SBF2: variants seen among roughly 807,000 people sequenced by gnomAD.
The protein encoded by SBF2 is SET binding factor 2, also known as myotubularin-related protein 13.
SBF2 carries 112 observed loss-of-function variants against 225.2 expected under a neutral mutation model. The ratio of observed to expected loss-of-function variants is 0.50; its 90% CI spans 0.43 to 0.58. The LOEUF (loss-of-function observed/expected upper bound fraction) is 0.58, where lower values mean the gene tolerates loss of function less well. Ranked by LOEUF, SBF2 falls within the 20% of genes least tolerant of loss-of-function variation. The pLI, the probability that SBF2 is intolerant of heterozygous loss-of-function variation, is 0.00. For synonymous variants in SBF2, 763 were observed against 773.3 expected (o/e 0.99, Z 0.22); for missense variants, 1,996 against 2,206.2 (o/e 0.90, Z 1.91).
intron 1 of SBF2, among the ~76,000 whole-genome samples, chr11:10,254,472 C>T (rs947148216): frequency 2.6e-5 from 4 of 151,630 alleles, no homozygotes; most frequent in South Asian, 2.1e-4. Flanking sequence ...TATCTCAAAG[C>T]GATATATGTG....
chr11:10,162,680 C>T (rs769471504), intron 2 of SBF2, among the ~76,000 whole-genome samples: 1 of 152,178 alleles, frequency 6.6e-6, no homozygotes, highest in Admixed American at 6.5e-5. Flanking sequence ...ATTCTAGCAT[C>T]CTTATCTGGC....
chr11:10,123,313 T>A (rs534618646), intron 2 of SBF2, among the ~76,000 whole-genome samples: 2,221 of 152,256 alleles, frequency 0.015, 23 homozygotes, highest in Non-Finnish European at 0.023. Context: ...GAGTACAAAA[T>A]ATTCATTCCT....
At chr11:10,072,216 A>G (rs1441529299) in intron 2 of SBF2, among the ~76,000 whole-genome samples, 1 of 152,242 alleles carries the variant, frequency 6.6e-6, no homozygotes, top group African/African-American at 2.4e-5. Context: ...TATCTTTTAT[A>G]TCTTATATAG....
chr11:9,826,776 T>TAC (rs974056001), intron 28 of SBF2, among the ~76,000 whole-genome samples: 1 of 151,554 alleles, frequency 6.6e-6, no homozygotes, highest in Admixed American at 6.6e-5. Flanking sequence ...TGTATATATA[T>TAC]ACACACACAC....
At chr11:9,979,079 T>C (rs1392728249) in intron 13 of SBF2, among the ~76,000 whole-genome samples, 1 of 152,170 alleles carries the variant, frequency 6.6e-6, no homozygotes, top group Non-Finnish European at 1.5e-5. Context: ...AGCCTTATAG[T>C]GAAAGAACAT....
At chr11:9,981,381 C>T (rs535511579) in intron 13 of SBF2, among the ~76,000 whole-genome samples, 1 of 152,266 alleles carries the variant, frequency 6.6e-6, no homozygotes, top group South Asian at 2.1e-4. Flanking sequence ...TGGCATCAAT[C>T]GTACCCTAAA....
intron 1 of SBF2, among the ~76,000 whole-genome samples, chr11:10,224,891 C>A (rs1958478696): frequency 6.6e-6 from 1 of 152,118 alleles, no homozygotes; most frequent in South Asian, 2.1e-4. Context: ...AGGGACCACA[C>A]CTGCATGATT....
At chr11:9,935,750 C>T (rs1864849875) in intron 16 of SBF2, among the ~76,000 whole-genome samples, 1 of 152,080 alleles carries the variant, frequency 6.6e-6, no homozygotes, top group Non-Finnish European at 1.5e-5. Flanking sequence ...AACTGACTAG[C>T]CATATGTAGA....
chr11:9,872,860 C>T (rs570729451), intron 17 of SBF2, among the ~76,000 whole-genome samples: 1 of 152,130 alleles, frequency 6.6e-6, no homozygotes, highest in South Asian at 2.1e-4. Context: ...CAAAAGAAAC[C>T]TCTGAATTCA....
chr11:9,975,687 G>T (rs980113031), intron 13 of SBF2, among the ~76,000 whole-genome samples: 3 of 152,300 alleles, frequency 2.0e-5, no homozygotes, highest in East Asian at 3.9e-4. Flanking sequence ...TAGGACGGGA[G>T]GGGGGTTCAA....
intron 2 of SBF2, among the ~76,000 whole-genome samples, chr11:10,063,846 C>CAGAG (rs1324047076): frequency 1.5e-4 from 21 of 136,944 alleles, no homozygotes; most frequent in Middle Eastern, 3.8e-3. Flanking sequence ...CACACACACA[C>CAGAG]ACACACACAC....
chr11:10,014,583 TGA>T (rs1367994149), intron 6 of SBF2, among the ~76,000 whole-genome samples: 2 of 150,752 alleles, frequency 1.3e-5, no homozygotes, highest in Non-Finnish European at 2.9e-5. Flanking sequence ...TGTCCAAAGC[TGA>T]GTTTGTACAG....
chr11:9,829,459 T>C lies in SBF2; in HGVS notation c.3690A>G (p.Glu1230=), dbSNP rs1855256188. 6.2e-7 allele frequency: 1 copy of C among 1,613,350 alleles called. No individual in the cohort carries two copies. The highest frequency in any genetic ancestry group is 8.5e-7 in the Non-Finnish European group (1 of 1,179,258). Residue 1230 remains glutamate, a synonymous_variant, in exon 28 of 40, where the codon GAA becomes GAG. Coordinates refer to ENST00000256190, the MANE Select transcript of SBF2 (RefSeq NM_030962.4). Reference sequence around the variant, plus strand: ...GTAAGGCTTGCAAGTATTTCTCTTGTTCTATGCTACTGGAAGATTCTAAAG... The same window carrying C: ...GTAAGGCTTGCAAGTATTTCTCTTGCTCTATGCTACTGGAAGATTCTAAAG... ...TSSLESSSSI[E]QEKYLQALLN...
At chr11:10,020,135 G>C (rs746530680) in intron 6 of SBF2, among the ~76,000 whole-genome samples, 2 of 152,106 alleles carry the variant, frequency 1.3e-5, no homozygotes, top group Non-Finnish European at 2.9e-5. Flanking sequence ...TGGTGCCAGG[G>C]AAGGGCAGTT....
At chr11:10,126,551 C>T (rs903816326) in intron 2 of SBF2, among the ~76,000 whole-genome samples, 9 of 151,972 alleles carry the variant, frequency 5.9e-5, no homozygotes, top group Non-Finnish European at 1.2e-4. Flanking sequence ...ATATATAATA[C>T]ATGCAGGAAT....
At chr11:9,815,233 A>G (rs1019582142) in intron 29 of SBF2, among the ~76,000 whole-genome samples, 2 of 144,778 alleles carry the variant, frequency 1.4e-5, no homozygotes, top group Admixed American at 7.0e-5. Context: ...AGGTCAAGAG[A>G]TGGAGACCAT....
chr11:10,094,057 G>A (rs1267744420), intron 2 of SBF2, among the ~76,000 whole-genome samples: 2 of 152,318 alleles, frequency 1.3e-5, no homozygotes, highest in Admixed American at 6.5e-5. Context: ...TTGGCCGGGT[G>A]CGGTGGCTCA....
At position 10,180,363 on chromosome 11, in the gene SBF2, C is replaced by T. The variant is rs115346705; in HGVS notation, c.141+13539G>A. 4.8e-3 allele frequency among the ~76,000 whole-genome samples: 731 copies of T among 152,002 alleles called. 9 individuals carry two copies. Among genetic ancestry groups the T allele is most frequent in the African/African-American group, 0.017 (696 of 41,384 alleles). ...AGATATACTATGCTAGGATAAAAGC[C>T]TCTTTCCTTCAGCACTTTAAGTATA... On this transcript the variant is annotated intron_variant, in intron 2 of 39. Transcript: ENST00000256190.
intron 9 of SBF2, among the ~76,000 whole-genome samples, chr11:9,994,202 C>T (rs889923015): frequency 3.3e-5 from 5 of 152,070 alleles, no homozygotes; most frequent in South Asian, 2.1e-4. Flanking sequence ...CGGCCGGGCG[C>T]GGTGGCTCAC....
Sources: allele counts gnomAD v4.1 joint callset (sites outside exome capture counted in the v4.1 genomes callset), GRCh38; gene constraint gnomAD v4.1.1; transcripts MANE v1.5; gene names NCBI Gene and HGNC (gene_info 2026-07-23, HGNC 2026-07-21).